Variants in SLC35F3 observed in about 807,000 individuals in gnomAD.
SLC35F3 encodes the protein putative thiamine transporter SLC35F3.
Under a neutral mutation model 49.9 loss-of-function variants are expected in SLC35F3, and 25 were observed. The observed-to-expected ratio is 0.50, with a 90% CI of 0.37 to 0.70. The LOEUF (loss-of-function observed/expected upper bound fraction) is 0.70. Ranked by LOEUF, SLC35F3 falls within the 30% of genes least tolerant of loss-of-function variation. The probability of loss-of-function intolerance (pLI) is 0.00; values close to 1 mark genes in which losing one functional copy is unlikely to be tolerated. For missense variants in SLC35F3, 525 were observed against 639.8 expected (o/e 0.82, Z 1.94); for synonymous variants, 275 against 265.4 (o/e 1.04, Z -0.35).
chr1:233,946,327 A>G (rs541860783), intron 2 of SLC35F3, among the ~76,000 whole-genome samples: 19 of 152,366 alleles, frequency 1.2e-4, no homozygotes, highest in African/African-American at 4.3e-4. Flanking sequence ...CTGAATATCC[A>G]GAACTCAGAC....
chr1:233,939,485 T>C (rs1326642570), intron 2 of SLC35F3, among the ~76,000 whole-genome samples: 1 of 152,142 alleles, frequency 6.6e-6, no homozygotes, highest in African/African-American at 2.4e-5. Context: ...AACATTCCTC[T>C]TGTAAAGAAG....
intron 2 of SLC35F3, among the ~76,000 whole-genome samples, chr1:233,984,063 C>T (rs1663227754): frequency 6.6e-6 from 1 of 152,182 alleles, no homozygotes. Context: ...GGATATGTTT[C>T]TCCTCTATGC....
At chr1:234,118,890 T>C (rs1366967340) in intron 2 of SLC35F3, among the ~76,000 whole-genome samples, 3 of 151,894 alleles carry the variant, frequency 2.0e-5, no homozygotes, top group African/African-American at 4.8e-5. Flanking sequence ...CTTTTCTTTT[T>C]TTTTTTTTAC....
intron 2 of SLC35F3, among the ~76,000 whole-genome samples, chr1:234,217,948 CTTG>C (rs1558263620): frequency 6.6e-6 from 1 of 152,090 alleles, no homozygotes; most frequent in African/African-American, 2.4e-5. Flanking sequence ...TATGAGAAAG[CTTG>C]TTGGTGCAGA....
chr1:234,010,667 T>C (rs1663703479), intron 2 of SLC35F3, among the ~76,000 whole-genome samples: 1 of 152,158 alleles, frequency 6.6e-6, no homozygotes, highest in South Asian at 2.1e-4. Flanking sequence ...CCTACTATTA[T>C]AACATTGCAG....
At chr1:233,941,971 T>G (rs573952694) in intron 2 of SLC35F3, among the ~76,000 whole-genome samples, 22,599 of 149,518 alleles carry the variant, frequency 0.15, 2,542 homozygotes, top group African/African-American at 0.32. Context: ...TGTTTTTTTT[T>G]TTTTTTTTTA....
chr1:234,161,485 G>A (rs779971287), intron 2 of SLC35F3, among the ~76,000 whole-genome samples: 4 of 152,078 alleles, frequency 2.6e-5, no homozygotes, highest in Non-Finnish European at 5.9e-5. Flanking sequence ...TTGAGGCCAG[G>A]CACAGTGACT....
At chr1:233,992,773 GGAAT>G (rs1470207645) in intron 2 of SLC35F3, among the ~76,000 whole-genome samples, 1 of 152,082 alleles carries the variant, frequency 6.6e-6, no homozygotes, top group East Asian at 1.9e-4. Flanking sequence ...ATCTCGATGG[GGAAT>G]GTAGCAGGGA....
chr1:234,180,298 T>C lies in SLC35F3; in HGVS notation c.284-51119T>C, dbSNP rs79453207. 1.6e-4 allele frequency among the ~76,000 whole-genome samples: 24 copies of C among 152,350 alleles called. No homozygotes were observed. The East Asian group carries it at 3.9e-3, about 24-fold the overall frequency. The stretch of plus-strand genomic sequence containing the variant: ...TAGGGTCAGTGCATGCCATGGTGTT[T>C]CCTTGGGTGCAAGTTTAGAGCTTAC... On this transcript the variant is annotated intron_variant, in intron 2 of 7. Transcript: ENST00000366618.
chr1:233,958,410 C>T (rs1007336019), intron 2 of SLC35F3, among the ~76,000 whole-genome samples: 7 of 152,156 alleles, frequency 4.6e-5, no homozygotes, highest in African/African-American at 1.7e-4. Flanking sequence ...ACATAGTAGG[C>T]AAGTAGTAAG....
At chr1:234,297,743 CAAA>C (rs57703297) in intron 3 of SLC35F3, among the ~76,000 whole-genome samples, 1,611 of 124,414 alleles carry the variant, frequency 0.013, 10 homozygotes, top group Middle Eastern at 0.041. Context: ...TACCCTGTCT[CAAA>C]AAAAAAAAAA....
chr1:234,218,376 G>C (rs1667154261), intron 2 of SLC35F3, among the ~76,000 whole-genome samples: 1 of 152,186 alleles, frequency 6.6e-6, no homozygotes, highest in Non-Finnish European at 1.5e-5. Context: ...TGTCATGCTA[G>C]GTGAGTGATT....
rs12064525 is a variant in SLC35F3, at chr1:234,254,721, A to T, written c.608+22980A>T. On this transcript the variant is annotated intron_variant, in intron 3 of 7. Transcript: ENST00000366618. ...TGAGAAAAAATTCTCTTAACCAAAC[A>T]GGCATACCACTCACTCTCTGTAAAG... is the stretch of plus-strand genomic sequence containing the variant. Among the ~76,000 whole-genome samples the T allele has an allele frequency of 6.7e-3, 1,020 of 152,362 alleles. 9 individuals are homozygous for T. Among genetic ancestry groups the T allele is most frequent in the African/African-American group, 0.023 (961 of 41,584 alleles).
At chr1:234,185,895 A>AT (rs1423666646) in intron 2 of SLC35F3, among the ~76,000 whole-genome samples, 6 of 152,046 alleles carry the variant, frequency 3.9e-5, no homozygotes, top group South Asian at 2.1e-4. Flanking sequence ...AATTCTAACC[A>AT]TTTTTTTATC....
At chr1:234,207,934 A>C (rs957655468) in intron 2 of SLC35F3, among the ~76,000 whole-genome samples, 2 of 152,222 alleles carry the variant, frequency 1.3e-5, no homozygotes, top group Non-Finnish European at 2.9e-5. Context: ...GCTTGAGCCT[A>C]GGAGTTCAAG....
intron 2 of SLC35F3, among the ~76,000 whole-genome samples, chr1:234,069,166 A>G (rs1355425090): frequency 7.3e-6 from 1 of 136,390 alleles, no homozygotes; most frequent in African/African-American, 2.7e-5. Context: ...ACAATAATAT[A>G]TAATATAATA....
At chr1:233,918,628 G>A (rs1039840667) in intron 2 of SLC35F3, among the ~76,000 whole-genome samples, 2 of 152,102 alleles carry the variant, frequency 1.3e-5, no homozygotes, top group African/African-American at 4.8e-5. Context: ...TTAGCCGGGT[G>A]TAGTGGCGGG....
chr1:234,086,999 C>G (rs919279697), intron 2 of SLC35F3, among the ~76,000 whole-genome samples: 4 of 152,210 alleles, frequency 2.6e-5, no homozygotes, highest in Non-Finnish European at 4.4e-5. Flanking sequence ...TATGCTGAGT[C>G]TTTTCAAAGC....
At chr1:233,911,391 G>T (rs937761414) in intron 2 of SLC35F3, among the ~76,000 whole-genome samples, 5 of 152,174 alleles carry the variant, frequency 3.3e-5, no homozygotes, top group African/African-American at 1.2e-4. Context: ...ATGAGATGGA[G>T]AAGATTTTAA....
Sources: gnomAD v4.1 joint callset for allele counts (sites outside exome capture counted in the v4.1 genomes callset) on GRCh38, gnomAD v4.1.1 for gene constraint, MANE v1.5 for transcripts, NCBI Gene and HGNC (gene_info 2026-07-23, HGNC 2026-07-21) for gene names.